SNAP91: variants seen among roughly 807,000 people sequenced by gnomAD.
SNAP91 encodes the protein synaptosome associated protein 91.
SNAP91 carries 27 observed loss-of-function variants against 100.3 expected under a neutral mutation model. The ratio of observed to expected loss-of-function variants is 0.27; its 90% confidence interval spans 0.20 to 0.37. SNAP91 has a LOEUF of 0.37. Ranked by LOEUF, SNAP91 falls within the 10% of genes least tolerant of loss-of-function variation. SNAP91 has a pLI of 1.00. For synonymous variants in SNAP91, 404 were observed against 398.6 expected (o/e 1.01, Z -0.16); for missense variants, 986 against 1,123.7 (o/e 0.88, Z 1.75).
At chr6:83,604,792 C>A (rs2095507508) in intron 14 of SNAP91, among the ~76,000 whole-genome samples, 2 of 152,262 alleles carry the variant, frequency 1.3e-5, no homozygotes, top group Non-Finnish European at 2.9e-5. Context: ...ACCTAGCCAT[C>A]TTATTCTAAC....
intron 8 of SNAP91, among the ~76,000 whole-genome samples, chr6:83,637,587 T>C (rs2097515231): frequency 6.6e-6 from 1 of 152,184 alleles, no homozygotes; most frequent in Admixed American, 6.5e-5. Context: ...TGGCTAGACT[T>C]GTTCCAAGCC....
intron 9 of SNAP91, among the ~76,000 whole-genome samples, chr6:83,620,125 A>G (rs1017280564): frequency 1.3e-5 from 2 of 152,246 alleles, no homozygotes; most frequent in South Asian, 2.1e-4. Flanking sequence ...TGTTTAATGT[A>G]CAGTCTCTAA....
At chr6:83,659,406 T>A (rs983358256) in intron 5 of SNAP91, among the ~76,000 whole-genome samples, 1 of 151,628 alleles carries the variant, frequency 6.6e-6, no homozygotes, top group African/African-American at 2.4e-5. Context: ...GGTAATAGTG[T>A]TGAAAAGTAT....
At chr6:83,688,565 G>A (rs963231727) in intron 2 of SNAP91, among the ~76,000 whole-genome samples, 12 of 149,026 alleles carry the variant, frequency 8.1e-5, no homozygotes, top group African/African-American at 3.0e-4. Context: ...GTGCAGTGGT[G>A]CAGTCTCGGC....
chr6:83,607,901 C>A, intron 12 of SNAP91, 93 bp from the exon 13 acceptor site: 1 of 539,882 alleles, frequency 1.9e-6, no homozygotes, highest in Non-Finnish European at 3.0e-6. Context: ...ATGACATGCC[C>A]AGCAATTTTT....
At chr6:83,568,544 A>G (rs1013105929) in intron 26 of SNAP91, among the ~76,000 whole-genome samples, 1 of 152,044 alleles carries the variant, frequency 6.6e-6, no homozygotes. Context: ...TAAAACAGGA[A>G]TAAGTAACCC....
chr6:83,699,621 G>A (rs1012977264), intron 2 of SNAP91, among the ~76,000 whole-genome samples: 3 of 152,114 alleles, frequency 2.0e-5, no homozygotes, highest in African/African-American at 7.2e-5. Context: ...AATAATCAAT[G>A]ATAACTGAAA....
intron 24 of SNAP91, among the ~76,000 whole-genome samples, chr6:83,577,735 T>A (rs1375598101): frequency 6.6e-6 from 1 of 152,144 alleles, no homozygotes; most frequent in Non-Finnish European, 1.5e-5. Context: ...ACATTTTTCT[T>A]GAGATATAAT....
At chr6:83,591,080 C>A in intron 22 of SNAP91, 131 bp downstream of exon 22, 1 of 617,612 alleles carries the variant, frequency 1.6e-6, no homozygotes, top group Non-Finnish European at 2.8e-6. Flanking sequence ...AATACTTGTC[C>A]CCTCCCTCAA....
At chr6:83,629,784 A>T (rs932615992) in intron 8 of SNAP91, among the ~76,000 whole-genome samples, 1 of 152,040 alleles carries the variant, frequency 6.6e-6, no homozygotes, top group Non-Finnish European at 1.5e-5. Context: ...TAGGTAAGCA[A>T]TCATATCATC....
intron 26 of SNAP91, among the ~76,000 whole-genome samples, chr6:83,562,543 T>A (rs1789589262): frequency 6.6e-6 from 1 of 152,190 alleles, no homozygotes. Flanking sequence ...AATTTCTAGT[T>A]CTCTGCCTCC....
chr6:83,652,631 C>A (rs974444640), intron 7 of SNAP91, among the ~76,000 whole-genome samples: 1 of 152,098 alleles, frequency 6.6e-6, no homozygotes, highest in Non-Finnish European at 1.5e-5. Flanking sequence ...TCTGTCAGAT[C>A]AACTAAGAAT....
chr6:83,706,099 T>C (rs1174667208), intron 2 of SNAP91, among the ~76,000 whole-genome samples: 1 of 152,250 alleles, frequency 6.6e-6, no homozygotes, highest in African/African-American at 2.4e-5. Flanking sequence ...ACTAAATATT[T>C]AGATCTGGAG....
chr6:83,641,995 T>C (rs1389836232), intron 7 of SNAP91, among the ~76,000 whole-genome samples: 1 of 152,172 alleles, frequency 6.6e-6, no homozygotes, highest in Admixed American at 6.5e-5. Context: ...AGTGTTTTAA[T>C]CAGTTATTCA....
chr6:83,592,903 C>G (rs771212412), intron 20 of SNAP91, 43 bp downstream of exon 20: 15 of 1,426,986 alleles, frequency 1.1e-5, no homozygotes, highest in Admixed American at 7.9e-5. Context: ...TGCATTACTT[C>G]CACAAGACAT....
chr6:83,558,521 C>T (rs1782261106), intron 28 of SNAP91, among the ~76,000 whole-genome samples: 1 of 152,208 alleles, frequency 6.6e-6, no homozygotes, highest in Admixed American at 6.5e-5. Context: ...TCAACATCCA[C>T]CATTCTTTCT....
At chr6:83,620,042 G>C (rs1414095991) in intron 9 of SNAP91, among the ~76,000 whole-genome samples, 1 of 152,034 alleles carries the variant, frequency 6.6e-6, no homozygotes, top group African/African-American at 2.4e-5. Flanking sequence ...CATTGATATT[G>C]GTGAATAATT....
At chr6:83,587,433 TTCTC>T (rs976853358) in intron 22 of SNAP91, among the ~76,000 whole-genome samples, 5 of 152,162 alleles carry the variant, frequency 3.3e-5, no homozygotes, top group Non-Finnish European at 7.3e-5. Flanking sequence ...TTTTTCTCTC[TTCTC>T]TCTCTTTGAT....
At chr6:83,568,463 G>A (rs1295460308) in intron 26 of SNAP91, among the ~76,000 whole-genome samples, 2 of 133,168 alleles carry the variant, frequency 1.5e-5, no homozygotes, top group East Asian at 4.7e-4. Flanking sequence ...CCTGCACGTT[G>A]TGCACATTAA....
Sources: allele counts gnomAD v4.1 joint callset (sites outside exome capture counted in the v4.1 genomes callset), GRCh38; gene constraint gnomAD v4.1.1; transcripts MANE v1.5; gene names NCBI Gene and HGNC (gene_info 2026-07-23, HGNC 2026-07-21).